LRRC8A: variants seen among roughly 807,000 people sequenced by gnomAD.
The protein encoded by LRRC8A is volume-regulated anion channel subunit LRRC8A.
LRRC8A carries 24 observed loss-of-function variants against 52.5 expected under a neutral mutation model. The ratio of observed to expected loss-of-function variants is 0.46; its 90% CI spans 0.33 to 0.64. The LOEUF (loss-of-function observed/expected upper bound fraction) is 0.64, where lower values mean the gene tolerates loss of function less well. Among genes scored for constraint, LRRC8A ranks in the 30% least tolerant of loss-of-function variants. LRRC8A has a pLI of 0.02. For missense variants in LRRC8A, 677 were observed against 1,094.7 expected (o/e 0.62, Z 5.38); for synonymous variants, 492 against 494.2 (o/e 1.00, Z 0.06).
rs1840068806 is a variant in LRRC8A, at chr9:128,902,568, G to GC, written c.-8-4586dup. Among the ~76,000 whole-genome samples, 1 of 152,172 alleles carries GC rather than the reference G, an allele frequency of 6.6e-6. No individual in the cohort carries two copies. Among genetic ancestry groups the GC allele is most frequent in the Non-Finnish European group, 1.5e-5 (1 of 68,020 alleles). ...CCTGCCCGCTCAAACAGCCGCGCCC[G>GC]CCCTGGCTGTCTCATTCCAGACTTG... On this transcript the variant is annotated intron_variant, in intron 2 of 3. Transcript: ENST00000372600. The surrounding 1 kb of genome is among the most constrained non-coding windows in gnomAD (Gnocchi z 4.1).
chr9:128,902,118 A>T lies in LRRC8A; in HGVS notation c.-8-5039A>T. ...TCTGCAGCCAGCCCCAGGCTCTGCC[A>T]TTGGAACCCCAGGGCCCTCCTCCAC... On this transcript the variant is annotated intron_variant, in intron 2 of 3. Coordinates refer to ENST00000372600, the MANE Select transcript of LRRC8A (RefSeq NM_019594.4). This position sits in a 1 kb window ranked among gnomAD's most constrained non-coding sequence, Gnocchi z 4.1. Among the ~76,000 whole-genome samples, 1 of 152,192 alleles carries T rather than the reference A, an allele frequency of 6.6e-6. No homozygotes were observed. Among genetic ancestry groups the T allele is most frequent in the Non-Finnish European group, 1.5e-5 (1 of 68,032 alleles).
chr9:128,889,454 C>T (rs965031438), intron 2 of LRRC8A, among the ~76,000 whole-genome samples: 2 of 151,864 alleles, frequency 1.3e-5, no homozygotes, highest in Non-Finnish European at 2.9e-5. Flanking sequence ...CTGAGCTCCC[C>T]ACAGGACTGG....
At chr9:128,904,914 C>T (rs1259617639) in intron 2 of LRRC8A, among the ~76,000 whole-genome samples, 3 of 145,868 alleles carry the variant, frequency 2.1e-5, no homozygotes, top group Admixed American at 7.2e-5. Flanking sequence ...AGGAGAATGG[C>T]GTGAATCTGG....
At chr9:128,895,764 G>A (rs191066971) in intron 2 of LRRC8A, among the ~76,000 whole-genome samples, 34 of 152,296 alleles carry the variant, frequency 2.2e-4, no homozygotes, top group Admixed American at 1.2e-3. Flanking sequence ...CTGCTGCTCC[G>A]GTAACCTGGT....
chr9:128,905,812 C>T (rs181190326), intron 2 of LRRC8A, among the ~76,000 whole-genome samples: 32 of 152,218 alleles, frequency 2.1e-4, no homozygotes, highest in African/African-American at 7.7e-4. Context: ...CCACTGCACT[C>T]CAGCCTGGCG....
At chr9:128,914,760 C>T (rs985099467) in intron 3 of LRRC8A, among the ~76,000 whole-genome samples, 2 of 152,218 alleles carry the variant, frequency 1.3e-5, no homozygotes, top group Non-Finnish European at 2.9e-5. Flanking sequence ...AGCCTCGGGA[C>T]GGGCAGGCTC....
intron 2 of LRRC8A, among the ~76,000 whole-genome samples, chr9:128,888,955 C>A (rs1477967816): frequency 1.3e-5 from 2 of 152,150 alleles, no homozygotes; most frequent in Non-Finnish European, 2.9e-5. Context: ...CACCATGTCT[C>A]AGTGCTGAGC....
chr9:128,888,554 C>A (rs946674493), intron 2 of LRRC8A, among the ~76,000 whole-genome samples: 1 of 152,112 alleles, frequency 6.6e-6, no homozygotes, highest in Non-Finnish European at 1.5e-5. Flanking sequence ...TGAGAGTGGG[C>A]AGGTGAGGAG....
intron 2 of LRRC8A, among the ~76,000 whole-genome samples, chr9:128,895,212 G>A (rs971819111): frequency 1.5e-4 from 23 of 152,216 alleles, no homozygotes; most frequent in Admixed American, 2.6e-4. Flanking sequence ...GGAAGGTGGC[G>A]TTATTCCTGA....
intron 2 of LRRC8A, among the ~76,000 whole-genome samples, chr9:128,904,030 A>AG (rs1325979265): frequency 1.3e-5 from 2 of 151,730 alleles, no homozygotes; most frequent in East Asian, 2.0e-4. Context: ...TGTCTCAAAA[A>AG]GGGAAAAAAA....
Position 128,902,430 on chromosome 9 carries a change from C to G in LRRC8A, c.-8-4727C>G, listed in dbSNP as rs1367581068. On this transcript the variant is annotated intron_variant, in intron 2 of 3. Transcript: ENST00000372600. This position sits in a 1 kb window ranked among gnomAD's most constrained non-coding sequence, Gnocchi z 4.1. Reference sequence around the variant, plus strand: ...GGAGTCTGGGTGGTACAGACAAGCCCCAGGTCGGCGGGGCTGGGGCGGCTC... The same window carrying G: ...GGAGTCTGGGTGGTACAGACAAGCCGCAGGTCGGCGGGGCTGGGGCGGCTC... Among the ~76,000 whole-genome samples, 2 of 152,158 alleles carry G rather than the reference C, an allele frequency of 1.3e-5. No individual in the cohort carries two copies. Among genetic ancestry groups the G allele is most frequent in the Non-Finnish European group, 2.9e-5 (2 of 68,014 alleles).
rs34305034 is a variant in LRRC8A at position 128,892,268 on chromosome 9, C to T, written c.-9+6147C>T. Among the ~76,000 whole-genome samples, 12,890 of 152,208 alleles carry T rather than the reference C, an allele frequency of 0.085. 667 individuals are homozygous for T. Among genetic ancestry groups the T allele is most frequent in the South Asian group, 0.14 (657 of 4,826 alleles). On this transcript the variant is annotated intron_variant, in intron 2 of 3. Transcript: ENST00000372600. The surrounding 1 kb of genome is among the most constrained non-coding windows in gnomAD (Gnocchi z 5.2). ...GCGCTCCTGCCCCAGCCTGGCAGGGCGAGGGCAGGTCCTGAGGCTGCACCT... is the reference window on the plus strand; with the variant it reads ...GCGCTCCTGCCCCAGCCTGGCAGGGTGAGGGCAGGTCCTGAGGCTGCACCT...
chr9:128,908,811 G>A lies in LRRC8A; in HGVS notation c.1647G>A (p.Leu549=), dbSNP rs557094841. 1.4e-5 allele frequency: 22 copies of A among 1,613,576 alleles called. No individual in the cohort carries two copies. In the African/African-American group the frequency reaches 2.0e-4, roughly 15 times the overall value. The change falls in exon 3 of 4, where the codon CTG becomes CTA. Residue 549 remains leucine, a synonymous_variant. Coordinates refer to ENST00000372600, the MANE Select transcript of LRRC8A (RefSeq NM_019594.4). ...GGGAGCTCAAACGCCTCAAGGTGCT[G>A]CGGCTCAAGAGCAACCTAAGCAAGC... The part of the protein sequence containing the change: ...GLRELKRLKV[L]RLKSNLSKLP...
intron 3 of LRRC8A, among the ~76,000 whole-genome samples, chr9:128,914,280 C>A (rs997213592): frequency 6.6e-6 from 1 of 150,492 alleles, no homozygotes; most frequent in Non-Finnish European, 1.5e-5. Flanking sequence ...GGGAAAGCCA[C>A]GTTGCTCCCC....
rs1203266420 is a variant in LRRC8A at position 128,916,754 on chromosome 9, A to G, written c.*383A>G. On this transcript the variant is annotated 3_prime_UTR_variant, in exon 4 of 4. Transcript: ENST00000372600. This position sits in a 1 kb window ranked among gnomAD's most constrained non-coding sequence, Gnocchi z 6.1. Reference sequence around the variant, plus strand: ...TCCATCTCCCACCTCCTTCATCCAGATAACTTATACATTCCCAAGAAAGTT... The same window carrying G: ...TCCATCTCCCACCTCCTTCATCCAGGTAACTTATACATTCCCAAGAAAGTT... 5.3e-6 allele frequency: 1 copy of G among 188,114 alleles called. No homozygotes were observed. The highest frequency in any genetic ancestry group is 1.1e-5 in the Non-Finnish European group (1 of 89,614). The allele number at this position is 188,114 out of a possible 1,614,324, so 11.7% of individuals were successfully genotyped here. A position where few individuals can be genotyped will look rare whatever the true frequency, so the allele number is the denominator to read the frequency against.
In LRRC8A at chr9:128,890,130, T is replaced by TGTGTG. The variant is rs1839548910; in HGVS notation, c.-9+4009_-9+4010insGTGTG. ...ACAGTTGTTTTTTAGTGGCTTCATTTTGTGTGTGTGTGTGTGTGTGTGTGT... is the reference window on the plus strand; with the variant it reads ...ACAGTTGTTTTTTAGTGGCTTCATTTGTGTGTGTGTGTGTGTGTGTGTGTGTGTGT... On this transcript the variant is annotated intron_variant, in intron 2 of 3. Coordinates refer to ENST00000372600, the MANE Select transcript of LRRC8A (RefSeq NM_019594.4). Among the ~76,000 whole-genome samples the TGTGTG allele has an allele frequency of 2.2e-3, 278 of 128,306 alleles. 3 individuals are homozygous for TGTGTG. The highest frequency in any genetic ancestry group is 2.9e-3 in the Non-Finnish European group (180 of 61,126). 84.2% of individuals were successfully genotyped at this position (128,306 alleles called of 152,430 possible). A position where few individuals can be genotyped will look rare whatever the true frequency, so the allele number is the denominator to read the frequency against.
rs368745794 is a variant in LRRC8A, at chr9:128,907,764, C to G, written c.600C>G (p.Thr200=). The G allele has an allele frequency of 2.5e-6, 4 of 1,613,714 alleles. No individual in the cohort carries two copies. In the African/African-American group the frequency reaches 4.0e-5, roughly 16 times the overall value. The change falls in exon 3 of 4, where the codon ACC becomes ACG. Residue 200 remains threonine (T), a synonymous_variant. Transcript: ENST00000372600. The surrounding 1 kb of genome is among the most constrained non-coding windows in gnomAD (Gnocchi z 9.3). ...GGTCCATGGACAAAAAGTCATCGAC[C>G]GTCAGTGAGGACGTGGAGGCCACCG... The part of the protein sequence containing the change: ...MNGSMDKKSS[T]VSEDVEATVP...
At chr9:128,910,787 G>A (rs1275782513) in intron 3 of LRRC8A, among the ~76,000 whole-genome samples, 1 of 152,162 alleles carries the variant, frequency 6.6e-6, no homozygotes, top group Non-Finnish European at 1.5e-5. Context: ...AGCCAAATAG[G>A]AAAACCACTC....
chr9:128,893,160 C>T (rs1009904250), intron 2 of LRRC8A, among the ~76,000 whole-genome samples: 1 of 152,100 alleles, frequency 6.6e-6, no homozygotes, highest in Non-Finnish European at 1.5e-5. Flanking sequence ...CACACGGGGT[C>T]CTGAGCCTGG....
Sources: gnomAD v4.1 joint callset for allele counts (sites outside exome capture counted in the v4.1 genomes callset) on GRCh38, gnomAD v4.1.1 for gene constraint, Gnocchi (gnomAD v3.1) non-coding constraint, MANE v1.5 for transcripts, NCBI Gene and HGNC (gene_info 2026-07-23, HGNC 2026-07-21) for gene names.